Variants in STK3 observed in about 807,000 individuals in gnomAD.
STK3 encodes serine/threonine-protein kinase 3.
In STK3, 41 loss-of-function variants were observed where a neutral mutation model predicts 58.0. The observed-to-expected ratio is 0.71, with a 90% CI of 0.55 to 0.92. The LOEUF (loss-of-function observed/expected upper bound fraction) is 0.92, where lower values mean the gene tolerates loss of function less well. Among genes scored for constraint, STK3 ranks in the 40% least tolerant of loss-of-function variants. The pLI is 0.00. For synonymous variants in STK3, 170 were observed against 191.0 expected, an observed-to-expected ratio of 0.89 and a Z score of 0.91; for missense variants, 479 against 602.7, an observed-to-expected ratio of 0.79 and a Z score of 2.15.
chr8:98,469,663 A>G (rs1820769543), intron 10 of STK3, among the ~76,000 whole-genome samples: 1 of 152,234 alleles, frequency 6.6e-6, no homozygotes, highest in Non-Finnish European at 1.5e-5. Context: ...AATAATATAC[A>G]TTAATATGGA....
At chr8:98,934,467 G>A in intron 1 of STK3, among the ~76,000 whole-genome samples, 1 of 152,172 alleles carries the variant, frequency 6.6e-6, no homozygotes, top group South Asian at 2.1e-4. Context: ...ACAACTAAGA[G>A]TGAACAAAAA....
chr8:98,468,098 C>T (rs563683456), intron 10 of STK3, among the ~76,000 whole-genome samples: 43 of 152,200 alleles, frequency 2.8e-4, no homozygotes, highest in Middle Eastern at 3.4e-3. Flanking sequence ...ATTTTAGTTT[C>T]GAAGCATCTA....
intron 6 of STK3, among the ~76,000 whole-genome samples, chr8:98,683,991 A>G (rs1823808704): frequency 6.6e-6 from 1 of 152,178 alleles, no homozygotes; most frequent in Non-Finnish European, 1.5e-5. Context: ...AGAAAAATAC[A>G]TATCTGCACA....
At chr8:98,705,247 C>T (rs940043040) in intron 6 of STK3, among the ~76,000 whole-genome samples, 1 of 151,948 alleles carries the variant, frequency 6.6e-6, no homozygotes, top group Non-Finnish European at 1.5e-5. Context: ...ATGGCGACAC[C>T]TTGTCTCTAC....
At chr8:98,466,243 C>A (rs1357395100) in intron 10 of STK3, among the ~76,000 whole-genome samples, 1 of 152,096 alleles carries the variant, frequency 6.6e-6, no homozygotes, top group Non-Finnish European at 1.5e-5. Context: ...ACAAACATTA[C>A]AAAAACAACA....
In STK3 at chr8:98,907,357, C is replaced by CA. The variant is rs1838953728; in HGVS notation, c.-78-23524dup. Among the ~76,000 whole-genome samples the CA allele has an allele frequency of 2.7e-5, 4 of 148,626 alleles. No homozygotes were observed. In the South Asian group the frequency reaches 8.6e-4, roughly 32 times the overall value. ...TGAAACCCCGTCTTTACTAAAAATA[C>CA]AAAAAAATTAGCCAGGCGTGGTGGC... On this transcript the variant is annotated intron_variant, in intron 1 of 1. Coordinates refer to the STK3 transcript ENST00000519420.
At chr8:98,736,386 T>G (rs564875702) in intron 4 of STK3, among the ~76,000 whole-genome samples, 25 of 152,262 alleles carry the variant, frequency 1.6e-4, no homozygotes, top group African/African-American at 5.8e-4. Flanking sequence ...CCAGTTCTTA[T>G]TCTAGGAGCC....
chr8:98,745,804 T>A (rs747962962), intron 4 of STK3, among the ~76,000 whole-genome samples: 8 of 152,056 alleles, frequency 5.3e-5, no homozygotes, highest in Non-Finnish European at 1.0e-4. Flanking sequence ...AAAAGTACAG[T>A]CATGTGTCAC....
chr8:98,529,635 C>A (rs1826013179), intron 9 of STK3, among the ~76,000 whole-genome samples: 1 of 152,194 alleles, frequency 6.6e-6, no homozygotes, highest in Non-Finnish European at 1.5e-5. Context: ...ATGTCTATTG[C>A]AGCATTATTC....
At chr8:98,670,750 C>A (rs1199283294) in intron 6 of STK3, among the ~76,000 whole-genome samples, 1 of 152,228 alleles carries the variant, frequency 6.6e-6, no homozygotes, top group Non-Finnish European at 1.5e-5. Flanking sequence ...CCAGATCCAG[C>A]CACACTGAGG....
chr8:98,869,554 AG>A (rs1234910028), intron 3 of STK3, among the ~76,000 whole-genome samples: 1 of 152,196 alleles, frequency 6.6e-6, no homozygotes, highest in Non-Finnish European at 1.5e-5. Flanking sequence ...AAACACAGAA[AG>A]GAAGGCCATG....
intron 6 of STK3, among the ~76,000 whole-genome samples, chr8:98,665,382 C>G (rs1464244779): frequency 6.6e-6 from 1 of 152,100 alleles, no homozygotes; most frequent in East Asian, 1.9e-4. Context: ...GTTACATAAA[C>G]CACCAAGGTT....
chr8:98,830,285 G>C (rs1368535037), upstream of STK3, among the ~76,000 whole-genome samples: 3 of 152,020 alleles, frequency 2.0e-5, no homozygotes, highest in Non-Finnish European at 4.4e-5. Flanking sequence ...ATTCAGGTAG[G>C]ATGGCAAAGG....
intron 10 of STK3, among the ~76,000 whole-genome samples, chr8:98,518,118 C>T (rs1173194359): frequency 6.6e-6 from 1 of 152,064 alleles, no homozygotes; most frequent in East Asian, 1.9e-4. Context: ...TTTTCTTTTG[C>T]CATGTGCTTT....
chr8:98,536,987 T>C (rs939530870), intron 9 of STK3, among the ~76,000 whole-genome samples: 23 of 152,198 alleles, frequency 1.5e-4, no homozygotes, highest in Admixed American at 1.1e-3. Context: ...TATGGCAAAA[T>C]GCCTTTTGGC....
At chr8:98,393,534 T>A (rs1238315200) in intron 3 of STK3, 2 of 152,172 alleles carry the variant, frequency 1.3e-5, no homozygotes, top group African/African-American at 4.8e-5. Flanking sequence ...AAGTGATGTT[T>A]GCCAGTTCTG....
intron 6 of STK3, among the ~76,000 whole-genome samples, chr8:98,648,537 C>T (rs1036531270): frequency 6.6e-6 from 1 of 152,076 alleles, no homozygotes; most frequent in Non-Finnish European, 1.5e-5. Flanking sequence ...ACCACAAATG[C>T]CTTTTGCTCT....
In STK3 at chr8:98,428,797, T is replaced by A; in HGVS notation, n.483+5330A>T. ...CTCATGTCCATCGTCCCCTTTTACA[T>A]CACTCTGGTGGTGAACCTGGTGGTG... On this transcript the variant is annotated intron_variant and non_coding_transcript_variant, in intron 3 of 3. Transcript: ENST00000517832. The surrounding 1 kb of genome is among the most constrained non-coding windows in gnomAD (Gnocchi z 6.7). The A allele has an allele frequency of 6.2e-7, 1 of 1,614,198 alleles. No homozygotes were observed. The highest frequency in any genetic ancestry group is 8.5e-7 in the Non-Finnish European group (1 of 1,180,042).
At chr8:98,518,497 C>A (rs1274382328) in intron 10 of STK3, among the ~76,000 whole-genome samples, 1 of 152,084 alleles carries the variant, frequency 6.6e-6, no homozygotes, top group African/African-American at 2.4e-5. Flanking sequence ...ATCTTTGTTG[C>A]TTTTACCGAA....
Sources: gnomAD v4.1 joint callset for allele counts (sites outside exome capture counted in the v4.1 genomes callset) on GRCh38, gnomAD v4.1.1 for gene constraint, Gnocchi (gnomAD v3.1) non-coding constraint, MANE v1.5 for transcripts, NCBI Gene and HGNC (gene_info 2026-07-23, HGNC 2026-07-21) for gene names.